The following USP32 variants were observed in gnomAD, a reference collection of about 807,000 sequenced individuals.
USP32 encodes ubiquitin carboxyl-terminal hydrolase 32.
Under a neutral mutation model 204.8 loss-of-function variants are expected in USP32, and 59 were observed. The ratio of observed to expected loss-of-function variants is 0.29; its 90% CI spans 0.23 to 0.36. USP32 has a LOEUF of 0.36. USP32 is among the 10% of genes least tolerant of loss of function. The pLI is 1.00. For synonymous variants in USP32, 517 were observed against 678.4 expected, an observed-to-expected ratio of 0.76 and a Z score of 3.70; for missense variants, 1,160 against 1,946.4, an observed-to-expected ratio of 0.60 and a Z score of 7.60.
intron 11 of USP32, among the ~76,000 whole-genome samples, chr17:60,247,968 G>C (rs955943988): frequency 2.6e-5 from 4 of 152,174 alleles, no homozygotes; most frequent in African/African-American, 9.7e-5. Context: ...ACAGGCGTGA[G>C]CCACCACGCC....
chr17:60,401,937 T>A (rs1261237412), intron 1 of USP32, among the ~76,000 whole-genome samples: 1 of 152,144 alleles, frequency 6.6e-6, no homozygotes, highest in Admixed American at 6.6e-5. Flanking sequence ...TTTCCCCCAC[T>A]GAGACAAACT....
rs147394191 is a variant in USP32 at position 60,240,104 on chromosome 17, T to C, written c.1137-3864A>G. On this transcript the variant is annotated intron_variant, in intron 11 of 33. Transcript: ENST00000300896. The stretch of plus-strand genomic sequence containing the variant: ...AGCTCTTTGAACATATTTAAGATAA[T>C]TGATTTTAAATGTTTGTCTACTAAG... Among the ~76,000 whole-genome samples, 8 of 152,372 alleles carry C rather than the reference T, an allele frequency of 5.3e-5. No homozygotes were observed. In the East Asian group the frequency reaches 1.3e-3, roughly 26 times the overall value.
chr17:60,268,992 A>C (rs564136255), intron 7 of USP32, among the ~76,000 whole-genome samples: 1 of 152,336 alleles, frequency 6.6e-6, no homozygotes, highest in South Asian at 2.1e-4. Context: ...ACAACATTTT[A>C]GTTAGGTTAA....
At chr17:60,267,602 C>T (rs2086627107) in intron 7 of USP32, among the ~76,000 whole-genome samples, 1 of 151,704 alleles carries the variant, frequency 6.6e-6, no homozygotes, top group Non-Finnish European at 1.5e-5. Flanking sequence ...CTTACTGCAA[C>T]CTCCGCCTCC....
At chr17:60,387,495 T>C (rs879933416) in intron 1 of USP32, among the ~76,000 whole-genome samples, 3 of 152,206 alleles carry the variant, frequency 2.0e-5, no homozygotes, top group Non-Finnish European at 2.9e-5. Flanking sequence ...CTTTCTCCTA[T>C]AGCACTGCAG....
At chr17:60,330,995 C>G (rs554948915) in intron 2 of USP32, among the ~76,000 whole-genome samples, 1 of 152,216 alleles carries the variant, frequency 6.6e-6, no homozygotes, top group South Asian at 2.1e-4. Context: ...AGTCATATAC[C>G]TAAATTCCTA....
At chr17:60,314,127 GCT>G (rs2087917920) in intron 2 of USP32, among the ~76,000 whole-genome samples, 1 of 122,942 alleles carries the variant, frequency 8.1e-6, no homozygotes, top group African/African-American at 3.3e-5. Context: ...TTATTGTGTG[GCT>G]TTTTTTTTTT....
intron 5 of USP32, among the ~76,000 whole-genome samples, chr17:60,273,465 C>A (rs770724238): frequency 9.9e-5 from 15 of 152,080 alleles, no homozygotes; most frequent in Non-Finnish European, 2.2e-4. Context: ...AAACTTGTCC[C>A]AACAAAGCTT....
chr17:60,208,193 T>C lies in USP32; in HGVS notation c.2791A>G (p.Thr931Ala). 1.3e-6 allele frequency: 2 copies of C among 1,563,060 alleles called. No homozygotes were observed. Among genetic ancestry groups the C allele is most frequent in the African/African-American group, 1.4e-5 (1 of 72,610 alleles). Residue 931 changes from threonine (T) to alanine (A), a missense_variant, in exon 24 of 34, where the codon ACT becomes GCT. Thr to Ala is a moderately conservative substitution (Grantham distance 58). Transcript: ENST00000300896. The stretch of plus-strand genomic sequence containing the variant: ...CTTAGTCCATACCGTACAGGGGTAG[T>C]ACCATCTAACTTAATCACTAGTAAA... ...LEITVIKLDGTTPVRYGLRLN... is the reference protein window; with the variant it reads ...LEITVIKLDGATPVRYGLRLN...
At chr17:60,306,976 G>A (rs192975120) in intron 2 of USP32, among the ~76,000 whole-genome samples, 1 of 152,064 alleles carries the variant, frequency 6.6e-6, no homozygotes, top group Non-Finnish European at 1.5e-5. Flanking sequence ...AGTTTAGCCA[G>A]AGATGTGAAA....
chr17:60,312,408 T>TTTG (rs556196900), intron 2 of USP32, among the ~76,000 whole-genome samples: 5 of 151,986 alleles, frequency 3.3e-5, no homozygotes, highest in East Asian at 1.9e-4. Context: ...TACTTTTCCA[T>TTTG]TTGTTGTTGT....
At chr17:60,312,774 T>C (rs2087885756) in intron 2 of USP32, among the ~76,000 whole-genome samples, 1 of 152,196 alleles carries the variant, frequency 6.6e-6, no homozygotes, top group South Asian at 2.1e-4. Flanking sequence ...TTAAAAGCCA[T>C]CTTTAGGTAA....
intron 12 of USP32, among the ~76,000 whole-genome samples, chr17:60,234,080 GC>G (rs2085645655): frequency 6.6e-6 from 1 of 151,814 alleles, no homozygotes; most frequent in African/African-American, 2.4e-5. Context: ...CTCCCAAGTA[GC>G]TGGGACTACA....
At chr17:60,395,934 T>G (rs1024430313), upstream of USP32, among the ~76,000 whole-genome samples, 8 of 152,300 alleles carry the variant, frequency 5.3e-5, no homozygotes, top group East Asian at 1.5e-3. Flanking sequence ...TATGTATAAC[T>G]TCATTGCTAC....
intron 7 of USP32, among the ~76,000 whole-genome samples, chr17:60,268,366 C>T (rs1036316286): frequency 1.3e-5 from 2 of 150,058 alleles, no homozygotes; most frequent in East Asian, 2.0e-4. Flanking sequence ...GCCAGAGGTT[C>T]GAGACTAGCC....
chr17:60,316,937 C>A (rs1469444768), intron 2 of USP32, among the ~76,000 whole-genome samples: 1 of 151,932 alleles, frequency 6.6e-6, no homozygotes, highest in Non-Finnish European at 1.5e-5. Context: ...AAGCCAGACA[C>A]AAAATGGCAA....
rs373872267 is a variant in USP32, at chr17:60,208,024, T to C, written c.2925+35A>G. On this transcript the variant is annotated intron_variant, in intron 24 of 33. Transcript: ENST00000300896. ...TGAGAAAAATGTCATCTTTGGAGGA[T>C]AGAATCAAAAGTTTCTTAGAGTAGT... 1.7e-5 allele frequency: 26 copies of C among 1,528,178 alleles called. 1 individual carries two copies. Among genetic ancestry groups the C allele is most frequent in the African/African-American group, 4.1e-5 (3 of 73,038 alleles). 94.7% of individuals were successfully genotyped at this position (1,528,178 alleles called of 1,614,324 possible). A position where few individuals can be genotyped will look rare whatever the true frequency, so the allele number is the denominator to read the frequency against.
chr17:60,351,912 G>T (rs991524700), intron 1 of USP32, among the ~76,000 whole-genome samples: 3 of 152,052 alleles, frequency 2.0e-5, no homozygotes, highest in Non-Finnish European at 4.4e-5. Context: ...TTAGGAAGTG[G>T]TAATTCCTAA....
intron 26 of USP32, among the ~76,000 whole-genome samples, chr17:60,198,658 A>T (rs1404739928): frequency 6.6e-6 from 1 of 152,254 alleles, no homozygotes; most frequent in East Asian, 1.9e-4. Flanking sequence ...CCAGTTTTAG[A>T]GTTGTTGCCT....
Sources: gnomAD v4.1 joint callset for allele counts (sites outside exome capture counted in the v4.1 genomes callset) on GRCh38, gnomAD v4.1.1 for gene constraint, MANE v1.5 for transcripts, NCBI Gene and HGNC (gene_info 2026-07-23, HGNC 2026-07-21) for gene names.